The following LPGAT1 variants were observed in gnomAD, a reference collection of about 807,000 sequenced individuals.
LPGAT1 encodes lysophosphatidylglycerol acyltransferase 1.
Under a neutral mutation model 47.5 loss-of-function variants are expected in LPGAT1, and 11 were observed. That is an observed-to-expected ratio of 0.23 (90% CI 0.15 to 0.38). The LOEUF (loss-of-function observed/expected upper bound fraction) is 0.38. Ranked by LOEUF, LPGAT1 falls within the 10% of genes least tolerant of loss-of-function variation. The pLI, the probability that LPGAT1 is intolerant of heterozygous loss-of-function variation, is 1.00. For synonymous variants in LPGAT1, 138 were observed against 144.2 expected (o/e 0.96, Z 0.31); for missense variants, 293 against 439.0 (o/e 0.67, Z 2.97).
rs114967355 is a variant in LPGAT1, at chr1:211,799,044, C to T, written c.239-5854G>A. The stretch of plus-strand genomic sequence containing the variant: ...GGGAAGGCCCAGACTTTTGAAAAAC[C>T]TCCTAATACATACTTCTAAATAAGA... On this transcript the variant is annotated intron_variant, in intron 2 of 7. Transcript: ENST00000366997. Among the ~76,000 whole-genome samples, 375 of 152,240 alleles carry T rather than the reference C, an allele frequency of 2.5e-3. 1 individual carries two copies. Among genetic ancestry groups the T allele is most frequent in the African/African-American group, 8.6e-3 (358 of 41,552 alleles).
chr1:211,793,401 CATTATTTATTT>C (rs961346869), intron 2 of LPGAT1: 4 of 161,102 alleles, frequency 2.5e-5, no homozygotes, highest in Admixed American at 8.0e-5. Context: ...ATAAAATTAT[CATTATTTATTT>C]ATTTATTTAT....
At chr1:211,826,733 A>T (rs542773892) in intron 2 of LPGAT1, among the ~76,000 whole-genome samples, 1 of 152,260 alleles carries the variant, frequency 6.6e-6, no homozygotes, top group South Asian at 2.1e-4. Context: ...CTTCCTAATT[A>T]GTATTTAAGG....
At position 211,829,034 on chromosome 1, in the gene LPGAT1, TAAAGA is replaced by T; in HGVS notation, c.238+20_238+24del. The stretch of plus-strand genomic sequence containing the variant: ...TCCTGACAAATTTTTTCTTATGCAT[TAAAGA>T]AAAGTGTTCTCACTCTTACCTGTAT... On this transcript the variant is annotated intron_variant, in intron 2 of 7. Coordinates refer to ENST00000366997, the MANE Select transcript of LPGAT1 (RefSeq NM_014873.3). The T allele has an allele frequency of 1.2e-6, 2 of 1,605,522 alleles. No individual in the cohort carries two copies. Among genetic ancestry groups the T allele is most frequent in the South Asian group, 1.1e-5 (1 of 90,470 alleles).
rs1195876621 is a variant in LPGAT1 at position 211,793,204 on chromosome 1, A to G, written c.239-14T>C. 2 of 1,543,286 alleles carry G rather than the reference A, an allele frequency of 1.3e-6. No individual in the cohort carries two copies. Among genetic ancestry groups the G allele is most frequent in the Non-Finnish European group, 1.8e-6 (2 of 1,122,972 alleles). ...CCCATTCCATCACTGTAAGAACAAA[A>G]AAGTTTCAAAGCTGTCATTTTAAAG... On this transcript the variant is annotated splice_polypyrimidine_tract_variant and intron_variant, in intron 2 of 7. Coordinates refer to ENST00000366997, the MANE Select transcript of LPGAT1 (RefSeq NM_014873.3).
chr1:211,793,028 C>T, intron 3 of LPGAT1, 44 bp downstream of exon 3: 1 of 1,370,878 alleles, frequency 7.3e-7, no homozygotes. Flanking sequence ...TCCTTTTTAA[C>T]CTTCCTTTCT....
chr1:211,814,771 A>G (rs902260748), intron 2 of LPGAT1, among the ~76,000 whole-genome samples: 4 of 152,152 alleles, frequency 2.6e-5, no homozygotes, highest in African/African-American at 9.7e-5. Flanking sequence ...CTGGAAAATC[A>G]TACATTCTTG....
At chr1:211,800,035 T>TTTATTATTATTATTATTA (rs58672865) in intron 2 of LPGAT1, among the ~76,000 whole-genome samples, 1,891 of 150,948 alleles carry the variant, frequency 0.013, 24 homozygotes, top group South Asian at 0.062. Context: ...ACTACCATTC[T>TTTATTATTATTATTATTA]TTATTATTAT....
At chr1:211,759,994 A>G (rs1180686456) in intron 6 of LPGAT1, among the ~76,000 whole-genome samples, 3 of 152,250 alleles carry the variant, frequency 2.0e-5, no homozygotes, top group Non-Finnish European at 4.4e-5. Flanking sequence ...TTATATTTTC[A>G]TTAGCAACTT....
Position 211,750,001 on chromosome 1 carries a change from C to T in LPGAT1, c.1011G>A (p.Met337Ile), listed in dbSNP as rs1657107721. 6.2e-7 allele frequency: 1 copy of T among 1,613,932 alleles called. No homozygotes were observed. Among genetic ancestry groups the T allele is most frequent in the South Asian group, 1.1e-5 (1 of 91,082 alleles). The change falls in exon 8 of 8, where the codon ATG (methionine) becomes ATA (isoleucine). Residue 337 changes from methionine to isoleucine, a missense_variant. Met to Ile is a conservative substitution (Grantham distance 10). Coordinates refer to ENST00000366997, the MANE Select transcript of LPGAT1 (RefSeq NM_014873.3). ...GAAATATCCACAAGTTGCTGAGGGT[C>T]ATCTCCCTGGAAACAGCTTCCTTAT... ...KGHKEAVSRE[M>I]TLSNLWIFLI...
intron 2 of LPGAT1, among the ~76,000 whole-genome samples, chr1:211,799,788 T>G (rs1659498525): frequency 6.6e-6 from 1 of 152,218 alleles, no homozygotes; most frequent in Admixed American, 6.5e-5. Context: ...CAACATTGTC[T>G]TTGGACCCAG....
chr1:211,826,233 T>C (rs1462212203), intron 2 of LPGAT1, among the ~76,000 whole-genome samples: 1 of 152,244 alleles, frequency 6.6e-6, no homozygotes, highest in East Asian at 1.9e-4. Context: ...ACAGGGCTCA[T>C]TTTTGTGATG....
At position 211,779,056 on chromosome 1, in the gene LPGAT1, G is replaced by GA. The variant is rs747324928; in HGVS notation, c.728-13dup. On this transcript the variant is annotated splice_polypyrimidine_tract_variant and intron_variant, in intron 5 of 7. Transcript: ENST00000366997. ...TTTTGATTTGCTGTCTGAGAACAAA[G>GA]AAAAAAAGACTTAAAATTAAATCAA... is the stretch of plus-strand genomic sequence containing the variant. 12 of 1,556,026 alleles carry GA rather than the reference G, an allele frequency of 7.7e-6. No individual in the cohort carries two copies. The highest frequency in any genetic ancestry group is 7.0e-5 in the African/African-American group (5 of 71,480).
intron 2 of LPGAT1, among the ~76,000 whole-genome samples, chr1:211,810,995 T>C (rs1303537419): frequency 6.6e-6 from 1 of 152,208 alleles, no homozygotes; most frequent in Non-Finnish European, 1.5e-5. Flanking sequence ...TAGGGAGCAG[T>C]GGGACTGTGT....
At position 211,746,324 on chromosome 1, in the gene LPGAT1, T is replaced by C. The variant is rs1656939865; in HGVS notation, c.*3575A>G. ...TAAAAAGGCTTGAGAACAATGCCAATACTGCCAATTTTTGATTATTCAGGG... is the reference window on the plus strand; with the variant it reads ...TAAAAAGGCTTGAGAACAATGCCAACACTGCCAATTTTTGATTATTCAGGG... On this transcript the variant is annotated 3_prime_UTR_variant, in exon 8 of 8. Coordinates refer to ENST00000366997, the MANE Select transcript of LPGAT1 (RefSeq NM_014873.3). 1 of 152,628 alleles carries C rather than the reference T, an allele frequency of 6.6e-6. No homozygotes were observed. The highest frequency in any genetic ancestry group is 2.4e-5 in the African/African-American group (1 of 41,458). The allele number at this position is 152,628 out of a possible 1,614,324, so 9.5% of individuals were successfully genotyped here.
At chr1:211,825,346 T>C (rs1175406331) in intron 2 of LPGAT1, among the ~76,000 whole-genome samples, 1 of 152,020 alleles carries the variant, frequency 6.6e-6, no homozygotes, top group Non-Finnish European at 1.5e-5. Flanking sequence ...CATAAGCCAC[T>C]GTACCTGGCT....
chr1:211,804,939 T>C (rs1659698549), intron 2 of LPGAT1, among the ~76,000 whole-genome samples: 1 of 152,162 alleles, frequency 6.6e-6, no homozygotes, highest in African/African-American at 2.4e-5. Context: ...TAACTGCACA[T>C]TGTAGAAGAC....
At chr1:211,789,569 C>T (rs1286850302) in intron 3 of LPGAT1, among the ~76,000 whole-genome samples, 1 of 152,138 alleles carries the variant, frequency 6.6e-6, no homozygotes, top group Non-Finnish European at 1.5e-5. Context: ...AAGGCCAAGA[C>T]AATTCACAGA....
intron 6 of LPGAT1, among the ~76,000 whole-genome samples, chr1:211,759,082 T>G (rs1657581887): frequency 6.6e-6 from 1 of 152,234 alleles, no homozygotes. Flanking sequence ...TTAATATATA[T>G]TGCTGGGTTT....
chr1:211,799,944 T>C (rs1659504758), intron 2 of LPGAT1, among the ~76,000 whole-genome samples: 1 of 152,168 alleles, frequency 6.6e-6, no homozygotes, highest in African/African-American at 2.4e-5. Context: ...TTCCTTAATC[T>C]TCCACATTCA....
Sources: gnomAD v4.1 joint callset for allele counts (sites outside exome capture counted in the v4.1 genomes callset) on GRCh38, gnomAD v4.1.1 for gene constraint, MANE v1.5 for transcripts, NCBI Gene and HGNC (gene_info 2026-07-23, HGNC 2026-07-21) for gene names.